Variants in IFTAP observed in about 807,000 individuals in gnomAD.
IFTAP encodes intraflagellar transport associated protein, also known as intraflagellar transport-associated protein.
Under a neutral mutation model 19.4 loss-of-function variants are expected in IFTAP, and 19 were observed. The observed-to-expected ratio is 0.98, with a 90% CI of 0.68 to 1.44. The LOEUF is 1.44. Ranked by LOEUF, IFTAP falls within the 40% of genes most tolerant of loss-of-function variation. IFTAP has a pLI of 0.00. For missense variants in IFTAP, 240 were observed against 253.6 expected, an observed-to-expected ratio of 0.95 and a Z score of 0.36; for synonymous variants, 85 against 83.5, an observed-to-expected ratio of 1.02 and a Z score of -0.10.
intron 2 of IFTAP, among the ~76,000 whole-genome samples, chr11:36,629,617 A>G (rs1256533636): frequency 6.6e-6 from 1 of 151,518 alleles, no homozygotes; most frequent in Non-Finnish European, 1.5e-5. Context: ...TTCTTTAAAA[A>G]TAATCACTTT....
At chr11:36,621,060 A>T (rs1379077598) in intron 2 of IFTAP, among the ~76,000 whole-genome samples, 2 of 152,056 alleles carry the variant, frequency 1.3e-5, no homozygotes, top group African/African-American at 2.4e-5. Flanking sequence ...AGCCAATTTA[A>T]ACAATATTAA....
chr11:36,643,240 A>G (rs1853312254), intron 4 of IFTAP, among the ~76,000 whole-genome samples: 1 of 152,238 alleles, frequency 6.6e-6, no homozygotes, highest in Non-Finnish European at 1.5e-5. Flanking sequence ...GTGAACTCCC[A>G]TTCACAATTG....
In IFTAP at chr11:36,629,399, G is replaced by A. The variant is rs1852644846; in HGVS notation, c.137-3885G>A. ...AATATCTCCTCTCAACTGAGAACAT[G>A]CTCTTGATTTATATTGCTGTTGACC... On this transcript the variant is annotated intron_variant, in intron 2 of 5. Transcript: ENST00000334307. Among the ~76,000 whole-genome samples, 2 of 151,224 alleles carry A rather than the reference G, an allele frequency of 1.3e-5. 1 individual carries two copies. The highest frequency in any genetic ancestry group is 4.9e-5 in the African/African-American group (2 of 40,540).
chr11:36,605,287 C>A (rs73437908), intron 1 of IFTAP, among the ~76,000 whole-genome samples: 14,000 of 147,552 alleles, frequency 0.095, 843 homozygotes, highest in African/African-American at 0.15. Flanking sequence ...CCTGCCCCCC[C>A]ACTTTTTTTT....
chr11:36,621,452 G>A (rs774493689), intron 2 of IFTAP, among the ~76,000 whole-genome samples: 5 of 151,742 alleles, frequency 3.3e-5, no homozygotes, highest in Non-Finnish European at 5.9e-5. Context: ...TTTAAGTGAC[G>A]CCCATCAGCT....
At chr11:36,641,462 C>T (rs1590226926) in intron 4 of IFTAP, among the ~76,000 whole-genome samples, 1 of 152,190 alleles carries the variant, frequency 6.6e-6, no homozygotes, top group African/African-American at 2.4e-5. Context: ...GCTGGAAGCT[C>T]TATTTAGAAG....
At chr11:36,599,467 C>T (rs377262843) in intron 1 of IFTAP, among the ~76,000 whole-genome samples, 1 of 152,044 alleles carries the variant, frequency 6.6e-6, no homozygotes, top group African/African-American at 2.4e-5. Context: ...TGTCAGTTTT[C>T]TTATCTCTAA....
chr11:36,627,005 A>G (rs1852540491), intron 2 of IFTAP, among the ~76,000 whole-genome samples: 1 of 151,282 alleles, frequency 6.6e-6, no homozygotes, highest in South Asian at 2.1e-4. Flanking sequence ...ACGGACTATT[A>G]TTTGACAATA....
At chr11:36,622,072 G>T (rs1852312228) in intron 2 of IFTAP, among the ~76,000 whole-genome samples, 1 of 143,784 alleles carries the variant, frequency 7.0e-6, no homozygotes, top group Non-Finnish European at 1.5e-5. Flanking sequence ...TTTACTTTAA[G>T]CTCTTGTTCT....
At chr11:36,597,327 A>G (rs957723493) in intron 1 of IFTAP, among the ~76,000 whole-genome samples, 1 of 152,218 alleles carries the variant, frequency 6.6e-6, no homozygotes, top group African/African-American at 2.4e-5. Flanking sequence ...TGATTATACT[A>G]TATCTAAAAT....
intron 3 of IFTAP, among the ~76,000 whole-genome samples, chr11:36,634,789 G>T (rs899259350): frequency 4.6e-5 from 7 of 151,450 alleles, no homozygotes; most frequent in African/African-American, 1.7e-4. Flanking sequence ...CAAAGTTGGA[G>T]AATTCAGCAG....
At chr11:36,651,539 A>G (rs964851526) in intron 5 of IFTAP, among the ~76,000 whole-genome samples, 5 of 152,204 alleles carry the variant, frequency 3.3e-5, no homozygotes, top group Admixed American at 6.5e-5. Flanking sequence ...TTTGCTGTGC[A>G]GAAGCTCTTT....
intron 1 of IFTAP, among the ~76,000 whole-genome samples, chr11:36,600,438 C>T (rs969814254): frequency 1.3e-5 from 2 of 152,176 alleles, no homozygotes; most frequent in Non-Finnish European, 2.9e-5. Flanking sequence ...GAGTGTGAAC[C>T]CTGTTGTAAG....
At chr11:36,640,481 G>T (rs1853153376) in intron 4 of IFTAP, among the ~76,000 whole-genome samples, 1 of 152,124 alleles carries the variant, frequency 6.6e-6, no homozygotes, top group African/African-American at 2.4e-5. Context: ...GAAATACAGT[G>T]GTTGTGGAAA....
chr11:36,604,515 TTTC>T (rs1851622962), intron 1 of IFTAP, among the ~76,000 whole-genome samples: 2 of 152,190 alleles, frequency 1.3e-5, no homozygotes, highest in Non-Finnish European at 2.9e-5. Context: ...ATTCCTTTTG[TTTC>T]TTCTTTTGTT....
rs1853628583 is a variant in IFTAP, at chr11:36,649,677, A to G, written c.498+1522A>G. 2.0e-5 allele frequency among the ~76,000 whole-genome samples: 3 copies of G among 152,148 alleles called. No homozygotes were observed. The South Asian group carries it at 6.2e-4, about 31-fold the overall frequency. ...GCAGTATAAATCAAGTTGAGACCCC[A>G]TATATGGTGGTATATTTAAGAGGAA... On this transcript the variant is annotated intron_variant, in intron 5 of 5. Transcript: ENST00000334307.
chr11:36,633,298 A>G lies in IFTAP; in HGVS notation c.151A>G (p.Lys51Glu). Reference sequence around the variant, plus strand: ...TCTTATTTCAGAGGATCATGTGTCCAAAAGGGGAGTGTTTGGAACTGATTC... The same window carrying G: ...TCTTATTTCAGAGGATCATGTGTCCGAAAGGGGAGTGTTTGGAACTGATTC... ...THLSQEDHVS[K>E]RGVFGTDSSE... Residue 51 changes from lysine (K) to glutamate (E), a missense_variant, in exon 3 of 6, where the codon AAA becomes GAA. Transcript: ENST00000334307. The G allele has an allele frequency of 6.4e-7, 1 of 1,562,368 alleles. No individual in the cohort carries two copies. Among genetic ancestry groups the G allele is most frequent in the East Asian group, 2.3e-5 (1 of 42,766 alleles).
intron 1 of IFTAP, among the ~76,000 whole-genome samples, chr11:36,607,107 C>G (rs1203055316): frequency 6.6e-6 from 1 of 152,164 alleles, no homozygotes; most frequent in Non-Finnish European, 1.5e-5. Flanking sequence ...CAACTCTATG[C>G]TTTATCTGGG....
At chr11:36,656,000 T>C (rs987649216) in intron 5 of IFTAP, among the ~76,000 whole-genome samples, 2 of 152,152 alleles carry the variant, frequency 1.3e-5, no homozygotes, top group Non-Finnish European at 2.9e-5. Context: ...ATAAGATGTT[T>C]CTATTTTTAA....
Sources: allele counts gnomAD v4.1 joint callset (sites outside exome capture counted in the v4.1 genomes callset), GRCh38; gene constraint gnomAD v4.1.1; transcripts MANE v1.5; gene names NCBI Gene and HGNC (gene_info 2026-07-23, HGNC 2026-07-21).